LPP: variants seen among roughly 807,000 people sequenced by gnomAD.
LPP encodes the protein lipoma-preferred partner.
A neutral mutation model predicts 60.4 loss-of-function variants in LPP; 38 were observed. The ratio of observed to expected loss-of-function variants is 0.63; its 90% CI spans 0.49 to 0.83. LPP has a LOEUF of 0.83. Among genes scored for constraint, LPP ranks in the 40% least tolerant of loss-of-function variants. LPP has a pLI of 0.00. For synonymous variants in LPP, 328 were observed against 290.8 expected (o/e 1.13, Z -1.30); for missense variants, 902 against 783.6 (o/e 1.15, Z -1.80).
chr3:188,803,131 G>A lies in LPP; in HGVS notation c.1410+42849G>A, dbSNP rs558158570. 2.3e-4 allele frequency among the ~76,000 whole-genome samples: 33 copies of A among 140,776 alleles called. 1 individual carries two copies. The highest frequency in any genetic ancestry group is 1.8e-3 in the South Asian group (8 of 4,438). The allele number at this position is 140,776 out of a possible 152,430, so 92.4% of individuals were successfully genotyped here. ...ACAATCTCAGCTCATTCCAACCTCC[G>A]CCTCCAGGGTTCAAGCAAATCTTGT... On this transcript the variant is annotated intron_variant, in intron 9 of 11. Coordinates refer to ENST00000617246, the MANE Select transcript of LPP (RefSeq NM_001375462.1).
chr3:188,463,128 C>A (rs1799544266), intron 4 of LPP, among the ~76,000 whole-genome samples: 3 of 152,062 alleles, frequency 2.0e-5, no homozygotes, highest in Admixed American at 2.0e-4. Flanking sequence ...CAAAAATAAT[C>A]TTTCCTTTAC....
intron 10 of LPP, among the ~76,000 whole-genome samples, chr3:188,867,838 G>T (rs924173158): frequency 6.6e-6 from 1 of 152,134 alleles, no homozygotes; most frequent in South Asian, 2.1e-4. Context: ...AGTCTTCTGG[G>T]TTAATTCTCA....
intron 8 of LPP, among the ~76,000 whole-genome samples, chr3:188,718,745 A>G (rs983578656): frequency 6.6e-5 from 10 of 152,322 alleles, no homozygotes; most frequent in African/African-American, 2.4e-4. Flanking sequence ...CTGTGAGCAG[A>G]CTTTCACACT....
chr3:188,734,694 A>G (rs1042946365), intron 8 of LPP, among the ~76,000 whole-genome samples: 1 of 152,240 alleles, frequency 6.6e-6, no homozygotes, highest in Admixed American at 6.5e-5. Flanking sequence ...AACAGCAAAG[A>G]ACCATCTGTC....
At position 188,889,721 on chromosome 3, in the gene LPP, G is replaced by A. The variant is rs1177354937; in HGVS notation, c.*15242G>A. The A allele has an allele frequency of 4.5e-6, 1 of 220,308 alleles. No individual in the cohort carries two copies. 13.6% of individuals were successfully genotyped at this position (220,308 alleles called of 1,614,324 possible). The stretch of plus-strand genomic sequence containing the variant: ...ATTACATAAGCTACGGGTGAGGTTG[G>A]AACAGCTATGTTTCATAATTTCAAG... On this transcript the variant is annotated 3_prime_UTR_variant, in exon 12 of 12. Transcript: ENST00000617246.
At chr3:188,838,814 C>T (rs1245722986) in intron 9 of LPP, among the ~76,000 whole-genome samples, 4 of 152,046 alleles carry the variant, frequency 2.6e-5, no homozygotes, top group African/African-American at 9.7e-5. Context: ...AATGAAAACA[C>T]ATGGACACAG....
chr3:188,563,728 G>GTTTTTTTTTTTTTT (rs5855207), intron 6 of LPP, among the ~76,000 whole-genome samples: 6 of 145,166 alleles, frequency 4.1e-5, no homozygotes, highest in Non-Finnish European at 6.0e-5. Context: ...GTTTTTTTTT[G>GTTTTTTTTTTTTTT]TTTTTTTTTT....
chr3:188,674,949 A>G (rs937513018), intron 7 of LPP, among the ~76,000 whole-genome samples: 2 of 152,350 alleles, frequency 1.3e-5, no homozygotes, highest in East Asian at 3.9e-4. Flanking sequence ...GTGAATGAAT[A>G]TTACTATTGT....
At chr3:188,789,577 G>T (rs1294930173) in intron 9 of LPP, among the ~76,000 whole-genome samples, 3 of 152,154 alleles carry the variant, frequency 2.0e-5, no homozygotes, top group Non-Finnish European at 4.4e-5. Context: ...TTATGTGTCT[G>T]TGGTGCTTTC....
chr3:188,451,931 T>C (rs1579002129), intron 4 of LPP, among the ~76,000 whole-genome samples: 1 of 152,250 alleles, frequency 6.6e-6, no homozygotes, highest in African/African-American at 2.4e-5. Context: ...AATATGACAG[T>C]GAACAAGACA....
intron 8 of LPP, among the ~76,000 whole-genome samples, chr3:188,723,481 A>G (rs979841429): frequency 2.0e-4 from 30 of 152,146 alleles, no homozygotes; most frequent in African/African-American, 7.0e-4. Flanking sequence ...ACAGAGGCCA[A>G]TCAGAGACTG....
chr3:188,763,390 A>G lies in LPP; in HGVS notation c.1410+3108A>G, dbSNP rs187819204. Among the ~76,000 whole-genome samples the G allele has an allele frequency of 4.4e-3, 665 of 152,238 alleles. 5 individuals carry two copies. The highest frequency in any genetic ancestry group is 6.8e-3 in the Middle Eastern group (2 of 294). On this transcript the variant is annotated intron_variant, in intron 9 of 11. Coordinates refer to ENST00000617246, the MANE Select transcript of LPP (RefSeq NM_001375462.1). ...GTAAATTAAATTTACTTCTGCCTAA[A>G]TTGGTTGTTGATCAACTTAAGATCC...
At chr3:188,739,654 C>A (rs1723731696) in intron 8 of LPP, among the ~76,000 whole-genome samples, 1 of 151,970 alleles carries the variant, frequency 6.6e-6, no homozygotes, top group African/African-American at 2.4e-5. Context: ...AAAATTAGTT[C>A]CCTTCCAGGG....
intron 1 of LPP, among the ~76,000 whole-genome samples, chr3:188,184,242 CT>C (rs1453939306): frequency 6.6e-6 from 1 of 152,208 alleles, no homozygotes; most frequent in Admixed American, 6.5e-5. Context: ...GCACGGACTA[CT>C]TCCAGCACCG....
intron 3 of LPP, among the ~76,000 whole-genome samples, chr3:188,402,458 A>G (rs1427047761): frequency 1.3e-5 from 2 of 152,208 alleles, no homozygotes; most frequent in Non-Finnish European, 2.9e-5. Context: ...AGTTGAATGT[A>G]TCAGTGGTTG....
intron 6 of LPP, among the ~76,000 whole-genome samples, chr3:188,567,336 AT>A (rs1832415477): frequency 6.6e-6 from 1 of 151,936 alleles, no homozygotes; most frequent in Non-Finnish European, 1.5e-5. Flanking sequence ...TGTTAGGACT[AT>A]TAAATGTATT....
At chr3:188,227,529 C>T (rs979419216) in intron 2 of LPP, among the ~76,000 whole-genome samples, 1 of 151,952 alleles carries the variant, frequency 6.6e-6, no homozygotes, top group Non-Finnish European at 1.5e-5. Context: ...CCTTCACCTG[C>T]GTTTAATAGA....
At chr3:188,858,558 C>A (rs192708349) in intron 9 of LPP, among the ~76,000 whole-genome samples, 1 of 152,034 alleles carries the variant, frequency 6.6e-6, no homozygotes, top group Non-Finnish European at 1.5e-5. Context: ...AAAAACAGGG[C>A]GTAATTTACT....
chr3:188,725,000 C>T lies in LPP; in HGVS notation c.1240+16607C>T, dbSNP rs150063473. ...GTCGGAAGTTGATGCTATTTTAGGC[C>T]GTCAGCGGCAGTGTCAATGTATCTG... On this transcript the variant is annotated intron_variant, in intron 8 of 11. Transcript: ENST00000617246. Among the ~76,000 whole-genome samples, 681 of 152,276 alleles carry T rather than the reference C, an allele frequency of 4.5e-3. 5 individuals are homozygous for T. Among genetic ancestry groups the T allele is most frequent in the Non-Finnish European group, 5.1e-3 (345 of 68,024 alleles).
Sources: allele counts gnomAD v4.1 joint callset (sites outside exome capture counted in the v4.1 genomes callset), GRCh38; gene constraint gnomAD v4.1.1; transcripts MANE v1.5; gene names NCBI Gene and HGNC (gene_info 2026-07-23, HGNC 2026-07-21).